RPRD1B: variants seen among roughly 807,000 people sequenced by gnomAD.
RPRD1B encodes regulation of nuclear pre-mRNA domain containing 1B.
Under a neutral mutation model 41.5 loss-of-function variants are expected in RPRD1B, and 11 were observed. The ratio of observed to expected loss-of-function variants is 0.27; its 90% CI spans 0.17 to 0.44. The LOEUF is 0.44. Among genes scored for constraint, RPRD1B ranks in the 20% least tolerant of loss-of-function variants. RPRD1B has a pLI of 1.00. For missense variants in RPRD1B, 248 were observed against 389.9 expected (o/e 0.64, Z 3.06); for synonymous variants, 158 against 155.6 (o/e 1.02, Z -0.12).
chr20:38,038,867 T>G (rs561883376), intron 1 of RPRD1B, among the ~76,000 whole-genome samples: 2 of 152,342 alleles, frequency 1.3e-5, no homozygotes, highest in East Asian at 3.9e-4. Context: ...CTTTGTACAT[T>G]TCAAAAGAAA....
At chr20:38,051,622 C>T (rs1257887524) in intron 3 of RPRD1B, among the ~76,000 whole-genome samples, 1 of 152,210 alleles carries the variant, frequency 6.6e-6, no homozygotes, top group Admixed American at 6.5e-5. Flanking sequence ...ATTCTTCACA[C>T]TGTCGTATTT....
intron 6 of RPRD1B, among the ~76,000 whole-genome samples, chr20:38,075,970 T>G (rs1356356284): frequency 1.3e-5 from 2 of 152,216 alleles, no homozygotes; most frequent in Non-Finnish European, 1.5e-5. Context: ...GTAGCTACTT[T>G]GAGAATTTCA....
At chr20:38,046,298 A>C (rs574090788) in intron 2 of RPRD1B, among the ~76,000 whole-genome samples, 1 of 152,260 alleles carries the variant, frequency 6.6e-6, no homozygotes, top group South Asian at 2.1e-4. Flanking sequence ...AGGAGTGCTT[A>C]GTTGATTTCT....
intron 4 of RPRD1B, among the ~76,000 whole-genome samples, chr20:38,058,826 C>A (rs1314205442): frequency 6.6e-6 from 1 of 152,140 alleles, no homozygotes; most frequent in African/African-American, 2.4e-5. Context: ...CCTACCTCAG[C>A]CTCCCAAGTA....
chr20:38,066,020 T>C lies in RPRD1B; in HGVS notation c.656-61T>C, dbSNP rs557728008. The stretch of plus-strand genomic sequence containing the variant: ...AACCGTTAACCTCCCCCAGAAATGT[T>C]TGTAGTCATACCTGTGTGATTTGTA... On this transcript the variant is annotated intron_variant, in intron 5 of 6. Coordinates refer to ENST00000373433, the MANE Select transcript of RPRD1B (RefSeq NM_021215.4). 7.3e-5 allele frequency: 112 copies of C among 1,525,960 alleles called. 1 individual carries two copies. The South Asian group carries it at 1.1e-3, about 15-fold the overall frequency. The allele number at this position is 1,525,960 out of a possible 1,614,324, so 94.5% of individuals were successfully genotyped here.
intron 6 of RPRD1B, among the ~76,000 whole-genome samples, chr20:38,074,741 GGTTTTT>G (rs971732342): frequency 2.3e-4 from 35 of 152,224 alleles, no homozygotes; most frequent in African/African-American, 7.2e-4. Context: ...TAGTACTCAG[GGTTTTT>G]GTTTTTGTTT....
chr20:38,045,974 T>G (rs887717399), intron 2 of RPRD1B, among the ~76,000 whole-genome samples: 1 of 152,236 alleles, frequency 6.6e-6, no homozygotes, highest in African/African-American at 2.4e-5. Flanking sequence ...AATTCCACCC[T>G]CCTTCCAGAT....
At chr20:38,088,708 G>A (rs2074585393) in intron 6 of RPRD1B, among the ~76,000 whole-genome samples, 1 of 152,216 alleles carries the variant, frequency 6.6e-6, no homozygotes, top group Admixed American at 6.5e-5. Flanking sequence ...TATCATTAGG[G>A]GATTCATATT....
chr20:38,040,255 T>TTTTC (rs1243541506), intron 1 of RPRD1B, among the ~76,000 whole-genome samples, 180 bp from the exon 2 acceptor site: 2 of 152,050 alleles, frequency 1.3e-5, no homozygotes, highest in Non-Finnish European at 2.9e-5. Context: ...TTCTTTTTTT[T>TTTTC]TTTTCCGAAA....
At chr20:38,069,809 T>G (rs1310801563) in intron 6 of RPRD1B, among the ~76,000 whole-genome samples, 2 of 152,206 alleles carry the variant, frequency 1.3e-5, no homozygotes, top group African/African-American at 4.8e-5. Context: ...AATAATAATT[T>G]GATCAGATGC....
At chr20:38,052,357 A>C (rs1600402208) in intron 3 of RPRD1B, among the ~76,000 whole-genome samples, 1 of 152,310 alleles carries the variant, frequency 6.6e-6, no homozygotes, top group East Asian at 1.9e-4. Context: ...GGTAGCTAAG[A>C]GTATGAGTTC....
chr20:38,037,431 A>T (rs2122686895), intron 1 of RPRD1B, among the ~76,000 whole-genome samples: 1 of 152,346 alleles, frequency 6.6e-6, no homozygotes, highest in African/African-American at 2.4e-5. Flanking sequence ...TTGATTAACC[A>T]GTTGTTTAAA....
chr20:38,061,959 G>A (rs1360029321), intron 5 of RPRD1B, among the ~76,000 whole-genome samples: 1 of 152,088 alleles, frequency 6.6e-6, no homozygotes, highest in Non-Finnish European at 1.5e-5. Flanking sequence ...TAAATATCTT[G>A]AGATGAGGAG....
rs1471134680 is a variant in RPRD1B, at chr20:38,059,388, T to G, written c.529-6T>G. Reference sequence around the variant, plus strand: ...GGGTAGTGTTGTTTGTGTTTTCATCTTACAGACTGAGGAACTAATCAAAGC... The same window carrying G: ...GGGTAGTGTTGTTTGTGTTTTCATCGTACAGACTGAGGAACTAATCAAAGC... On this transcript the variant is annotated splice_polypyrimidine_tract_variant and splice_region_variant and intron_variant, in intron 4 of 6. Coordinates refer to ENST00000373433, the MANE Select transcript of RPRD1B (RefSeq NM_021215.4). The G allele has an allele frequency of 6.2e-7, 1 of 1,611,200 alleles. No individual in the cohort carries two copies. The highest frequency in any genetic ancestry group is 8.5e-7 in the Non-Finnish European group (1 of 1,178,626).
chr20:38,086,876 T>C (rs1292004082), intron 6 of RPRD1B, among the ~76,000 whole-genome samples: 12 of 152,224 alleles, frequency 7.9e-5, no homozygotes, highest in Admixed American at 7.9e-4. Flanking sequence ...AGCCTAAGCA[T>C]GATGGAATCC....
intron 1 of RPRD1B, 24 bp from the exon 2 acceptor site, chr20:38,040,411 A>ATTCTT (rs750573727): frequency 6.4e-7 from 1 of 1,564,700 alleles, no homozygotes; most frequent in Non-Finnish European, 8.6e-7. Context: ...TGTAAGTTAA[A>ATTCTT]TTCTTTTCTT....
intron 1 of RPRD1B, among the ~76,000 whole-genome samples, chr20:38,037,922 T>TG (rs1392398924): frequency 1.3e-5 from 2 of 152,202 alleles, no homozygotes; most frequent in African/African-American, 4.8e-5. Context: ...TTTGCTTTGT[T>TG]GAAGTTCTGT....
chr20:38,038,476 A>AT, intron 1 of RPRD1B, among the ~76,000 whole-genome samples: 1 of 85,808 alleles, frequency 1.2e-5, no homozygotes, highest in Non-Finnish European at 2.3e-5. Flanking sequence ...CGCCCGGCTG[A>AT]TTTTTTTTGT....
At chr20:38,046,543 GT>G (rs2074123176) in intron 2 of RPRD1B, among the ~76,000 whole-genome samples, 1 of 152,196 alleles carries the variant, frequency 6.6e-6, no homozygotes, top group Non-Finnish European at 1.5e-5. Context: ...TACCAGAAAA[GT>G]TGTATGGAGA....
Sources: gnomAD v4.1 joint callset for allele counts (sites outside exome capture counted in the v4.1 genomes callset) on GRCh38, gnomAD v4.1.1 for gene constraint, MANE v1.5 for transcripts, NCBI Gene and HGNC (gene_info 2026-07-23, HGNC 2026-07-21) for gene names.